The following EXOC6 variants were observed in gnomAD, a reference collection of about 807,000 sequenced individuals.
EXOC6 encodes SEC15-like 1.
In EXOC6, 60 loss-of-function variants were observed where a neutral mutation model predicts 112.5. The ratio of observed to expected loss-of-function variants is 0.53; its 90% CI spans 0.43 to 0.66. The LOEUF (loss-of-function observed/expected upper bound fraction) is 0.66, where lower values mean the gene tolerates loss of function less well. EXOC6 is among the 30% of genes least tolerant of loss of function. The pLI is 0.00. For synonymous variants in EXOC6, 295 were observed against 308.0 expected, an observed-to-expected ratio of 0.96 and a Z score of 0.44; for missense variants, 855 against 957.1, an observed-to-expected ratio of 0.89 and a Z score of 1.41.
chr10:93,048,238 A>G (rs1008070494), intron 20 of EXOC6, among the ~76,000 whole-genome samples: 1 of 151,718 alleles, frequency 6.6e-6, no homozygotes, highest in Non-Finnish European at 1.5e-5. Context: ...CGTTGTACAC[A>G]TGTACCCTAG....
chr10:92,926,638 A>T (rs570349819), intron 8 of EXOC6, among the ~76,000 whole-genome samples: 1 of 152,108 alleles, frequency 6.6e-6, no homozygotes, highest in Non-Finnish European at 1.5e-5. Flanking sequence ...AACTCAAACG[A>T]TCCTCTTGTC....
intron 5 of EXOC6, 137 bp from the exon 6 acceptor site, chr10:92,909,290 A>G: frequency 1.2e-5 from 7 of 581,714 alleles, no homozygotes; most frequent in Non-Finnish European, 1.7e-5. Context: ...ATAGATGTAA[A>G]TATTAATTTT....
At chr10:93,033,686 G>A (rs1052081383) in intron 20 of EXOC6, among the ~76,000 whole-genome samples, 4 of 152,124 alleles carry the variant, frequency 2.6e-5, no homozygotes, top group Non-Finnish European at 5.9e-5. Context: ...AAAACTGTTC[G>A]CAGTAAAAAG....
intron 8 of EXOC6, among the ~76,000 whole-genome samples, chr10:92,926,825 GC>G (rs1290109942): frequency 6.6e-6 from 1 of 152,126 alleles, no homozygotes; most frequent in Non-Finnish European, 1.5e-5. Context: ...GAGCTACTGT[GC>G]CCGGCCCCAT....
At chr10:92,947,053 G>A (rs1320933323) in intron 13 of EXOC6, among the ~76,000 whole-genome samples, 6 of 152,116 alleles carry the variant, frequency 3.9e-5, no homozygotes, top group Non-Finnish European at 8.8e-5. Flanking sequence ...CCAGAGCCTA[G>A]CACATAATAG....
At chr10:93,007,630 A>G (rs9419756) in intron 19 of EXOC6, among the ~76,000 whole-genome samples, 1,583 of 152,208 alleles carry the variant, frequency 0.01, 30 homozygotes, top group African/African-American at 0.036. Flanking sequence ...TCCAGGCTGG[A>G]CAGCAGAGCG....
At chr10:92,851,958 C>T (rs1280884530) in intron 1 of EXOC6, among the ~76,000 whole-genome samples, 1 of 152,046 alleles carries the variant, frequency 6.6e-6, no homozygotes, top group Non-Finnish European at 1.5e-5. Context: ...GTCCCAGCTA[C>T]TCGGGAGGCT....
chr10:92,980,528 T>C (rs968477991), intron 18 of EXOC6, among the ~76,000 whole-genome samples: 14 of 152,340 alleles, frequency 9.2e-5, no homozygotes, highest in Non-Finnish European at 1.8e-4. Flanking sequence ...TGCCTGTGTT[T>C]TAAACTTGAT....
In EXOC6 at chr10:92,858,027, C is replaced by CCG. The variant is rs1564777074; in HGVS notation, c.101+9394_101+9395insGC. On this transcript the variant is annotated intron_variant, in intron 1 of 21. Transcript: ENST00000260762. Reference sequence around the variant, plus strand: ...AAGATTTTTAGTTGACGGGTTCCCCCCCTCCGCCGGCCAGCAGTTTGAATA... The same window carrying CCG: ...AAGATTTTTAGTTGACGGGTTCCCCCCGCCTCCGCCGGCCAGCAGTTTGAATA... Among the ~76,000 whole-genome samples the CCG allele has an allele frequency of 9.4e-5, 13 of 138,030 alleles. 1 individual carries two copies. The highest frequency in any genetic ancestry group is 1.4e-4 in the Non-Finnish European group (9 of 64,950). The allele number at this position is 138,030 out of a possible 152,430, so 90.6% of individuals were successfully genotyped here.
intron 1 of EXOC6, among the ~76,000 whole-genome samples, chr10:92,878,455 A>C (rs1848782145): frequency 6.6e-6 from 1 of 152,088 alleles, no homozygotes; most frequent in Non-Finnish European, 1.5e-5. Context: ...CTTAGGGTGG[A>C]CTTTCCGCAT....
Position 92,897,318 on chromosome 10 carries a change from T to C in EXOC6, c.413-2281T>C, listed in dbSNP as rs186317575. On this transcript the variant is annotated intron_variant, in intron 4 of 21. Transcript: ENST00000260762. The stretch of plus-strand genomic sequence containing the variant: ...AATGGCCACCTCCAGAACTACCTGC[T>C]TTCCTCTATTCATCTTTCTGTCCTA... 7.2e-5 allele frequency among the ~76,000 whole-genome samples: 11 copies of C among 152,338 alleles called. No homozygotes were observed. In the East Asian group the frequency reaches 2.1e-3, roughly 29 times the overall value.
chr10:92,974,282 T>C (rs1842410537), intron 18 of EXOC6, 50 bp downstream of exon 18: 1 of 1,302,144 alleles, frequency 7.7e-7, no homozygotes, highest in Non-Finnish European at 1.0e-6. Flanking sequence ...TACTAAAGTA[T>C]ATTTTAGAAT....
At chr10:92,861,487 A>G (rs1452360296) in intron 1 of EXOC6, among the ~76,000 whole-genome samples, 1 of 151,828 alleles carries the variant, frequency 6.6e-6, no homozygotes, top group East Asian at 1.9e-4. Flanking sequence ...AGGATGAAGG[A>G]GGGCTGGGTG....
intron 17 of EXOC6, among the ~76,000 whole-genome samples, chr10:92,963,314 T>C (rs1854118868): frequency 6.6e-6 from 1 of 152,180 alleles, no homozygotes; most frequent in Non-Finnish European, 1.5e-5. Context: ...TGTAGCTTTT[T>C]ACCTAATACT....
At chr10:92,948,733 TG>T (rs1268112958) in intron 14 of EXOC6, among the ~76,000 whole-genome samples, 1 of 151,994 alleles carries the variant, frequency 6.6e-6, no homozygotes, top group Non-Finnish European at 1.5e-5. Context: ...GGATTCCAAA[TG>T]AAAAGTAGAT....
intron 13 of EXOC6, among the ~76,000 whole-genome samples, chr10:92,944,564 G>A (rs1024446469): frequency 7.2e-5 from 11 of 151,846 alleles, no homozygotes; most frequent in Non-Finnish European, 1.6e-4. Flanking sequence ...TTTTGGTTAT[G>A]CACCCAGAAA....
At chr10:92,828,690 CTGTGTGTGTGTGTGTGTGTG>C in intron 1 of EXOC6, among the ~76,000 whole-genome samples, 1 of 105,202 alleles carries the variant, frequency 9.5e-6, no homozygotes, top group East Asian at 2.7e-4. Flanking sequence ...TTTTGTGTGT[CTGTGTGTGTGTGTGTGTGTG>C]TGTGTGTGTG....
At chr10:92,974,907 G>C (rs982551172) in intron 18 of EXOC6, among the ~76,000 whole-genome samples, 22 of 152,302 alleles carry the variant, frequency 1.4e-4, no homozygotes, top group African/African-American at 4.1e-4. Flanking sequence ...GCGTGCTCTC[G>C]GCTCGCTACA....
intron 14 of EXOC6, among the ~76,000 whole-genome samples, chr10:92,951,049 TG>T (rs1178719737): frequency 5.3e-5 from 8 of 152,148 alleles, no homozygotes; most frequent in African/African-American, 1.9e-4. Context: ...CCACCTTGGA[TG>T]GTGGCAGCAT....
Sources: allele counts gnomAD v4.1 joint callset (sites outside exome capture counted in the v4.1 genomes callset), GRCh38; gene constraint gnomAD v4.1.1; transcripts MANE v1.5; gene names NCBI Gene and HGNC (gene_info 2026-07-23, HGNC 2026-07-21).